The following VSIG1 variants were observed in gnomAD, a reference collection of about 807,000 sequenced individuals.
VSIG1 encodes the protein V-set and immunoglobulin domain containing 1.
VSIG1 carries 11 observed loss-of-function variants against 20.1 expected under a neutral mutation model. That is an observed-to-expected ratio of 0.55 (90% confidence interval 0.34 to 0.91). The LOEUF is 0.91. Among genes scored for constraint, VSIG1 ranks in the 40% least tolerant of loss-of-function variants. The probability of loss-of-function intolerance (pLI) is 0.02; values close to 1 mark genes in which losing one functional copy is unlikely to be tolerated. For missense variants in VSIG1, 283 were observed against 298.8 expected (o/e 0.95, Z 0.39); for synonymous variants, 126 against 116.7 (o/e 1.08, Z -0.52).
At chrX:108,031,293 G>A in the VSIG1 span, among the ~76,000 whole-genome samples, 1 of 112,185 alleles carries the variant, frequency 8.9e-6, no homozygotes, top group African/African-American at 3.2e-5. Context: ...AGGAGACAAT[G>A]GAATGAGTGT....
At chrX:108,047,959 C>T (rs865887573) in intron 1 of VSIG1, among the ~76,000 whole-genome samples, 384 of 14,765 alleles carry the variant, frequency 0.026, 38 homozygotes, top group Non-Finnish European at 0.034. Flanking sequence ...TATATACACA[C>T]ACATATATAT....
At chrX:108,067,562 A>T (rs1351918052) in intron 3 of VSIG1, among the ~76,000 whole-genome samples, 1 of 112,438 alleles carries the variant, frequency 8.9e-6, no homozygotes, top group East Asian at 2.8e-4. Context: ...CCATTAAATT[A>T]TTCTTTTAAA....
intron 1 of VSIG1, among the ~76,000 whole-genome samples, chrX:108,050,762 T>C (rs1236319867): frequency 9.0e-6 from 1 of 111,398 alleles, no homozygotes; most frequent in African/African-American, 3.3e-5. Flanking sequence ...CTGAGGGAGA[T>C]TTCTGGTCTG....
chrX:108,038,559 C>T, the VSIG1 span, among the ~76,000 whole-genome samples: 5 of 112,419 alleles, frequency 4.4e-5, no homozygotes, highest in Admixed American at 9.4e-5. Flanking sequence ...CACATGTACA[C>T]GTATGTTTAT....
the VSIG1 span, among the ~76,000 whole-genome samples, chrX:108,035,163 A>T: frequency 2.7e-5 from 3 of 111,492 alleles, no homozygotes; most frequent in African/African-American, 9.8e-5. Context: ...CAGTGGCATG[A>T]TCTTGGCTCA....
chrX:108,065,016 G>A (rs1206174934), intron 2 of VSIG1, among the ~76,000 whole-genome samples: 1 of 111,723 alleles, frequency 9.0e-6, no homozygotes, highest in Admixed American at 9.5e-5. Context: ...CAGTAGGTGT[G>A]AATGAATGAA....
chrX:108,048,450 C>T (rs1180511566), intron 1 of VSIG1, among the ~76,000 whole-genome samples: 1 of 112,557 alleles, frequency 8.9e-6, no homozygotes, highest in Non-Finnish European at 1.9e-5. Context: ...AAAGAGATTA[C>T]ACATATTTCA....
the VSIG1 span, among the ~76,000 whole-genome samples, chrX:108,030,953 A>G: frequency 0.033 from 3,715 of 112,206 alleles, 136 homozygotes; most frequent in African/African-American, 0.11. Context: ...AAGCAAGGAA[A>G]AACTGTAGTC....
chrX:108,042,121 A>T (rs902597900), upstream of VSIG1, among the ~76,000 whole-genome samples: 1 of 112,163 alleles, frequency 8.9e-6, no homozygotes, highest in South Asian at 3.7e-4. Flanking sequence ...ATAACATCAA[A>T]ATCCAGGTCC....
At chrX:108,040,372 G>T (rs1390486991), upstream of VSIG1, among the ~76,000 whole-genome samples, 1 of 111,893 alleles carries the variant, frequency 8.9e-6, no homozygotes, top group East Asian at 2.8e-4. Flanking sequence ...CACAGAGGAG[G>T]TTTACAGAGT....
In VSIG1 at chrX:108,057,985, T is replaced by G. The variant is rs1334867506; in HGVS notation, c.50-53T>G. 5 of 1,091,480 alleles carry G rather than the reference T, an allele frequency of 4.6e-6. No individual in the cohort carries two copies. In the East Asian group the frequency reaches 1.5e-4, roughly 34 times the overall value. The allele number at this position is 1,091,480 out of a possible 1,213,427, so 90.0% of individuals were successfully genotyped here. ...TTGTAAGTGTTCTGTGATGAAACAG[T>G]GTTATCAGAATTTGAGTATGTACTA... is the stretch of plus-strand genomic sequence containing the variant. On this transcript the variant is annotated intron_variant, in intron 1 of 6. Transcript: ENST00000217957.
the VSIG1 span, among the ~76,000 whole-genome samples, chrX:108,034,143 G>A: frequency 9.0e-6 from 1 of 110,662 alleles, no homozygotes; most frequent in Non-Finnish European, 1.9e-5. Context: ...TTGAGGCAGT[G>A]GAGGAGGTTT....
chrX:108,045,152 G>T lies in VSIG1; in HGVS notation c.22G>T (p.Val8Phe). The T allele has an allele frequency of 1.7e-6, 2 of 1,193,335 alleles. No homozygotes were observed. Among genetic ancestry groups the T allele is most frequent in the Non-Finnish European group, 1.1e-6 (1 of 885,077 alleles). ...CACAATGGTGTTCGCATTTTGGAAGGTCTTTCTGATCCTAAGCTGCCTTGC... is the reference window on the plus strand; with the variant it reads ...CACAATGGTGTTCGCATTTTGGAAGTTCTTTCTGATCCTAAGCTGCCTTGC... MVFAFWK[V>F]FLILSCLAGQ... The change falls in exon 1 of 7, where the codon GTC (valine) becomes TTC (phenylalanine). Residue 8 changes from valine (V) to phenylalanine (F), a missense_variant. By Grantham distance (50) the Val-to-Phe change is conservative (BLOSUM62 -1). Transcript: ENST00000217957.
chrX:108,019,845 C>T, the VSIG1 span, among the ~76,000 whole-genome samples: 1 of 111,404 alleles, frequency 9.0e-6, no homozygotes, highest in South Asian at 3.9e-4. Flanking sequence ...TGTTAGTCTT[C>T]GGCCAGCAAG....
At chrX:108,046,974 G>T (rs1001759655) in intron 1 of VSIG1, among the ~76,000 whole-genome samples, 10 of 110,653 alleles carry the variant, frequency 9.0e-5, no homozygotes, top group Admixed American at 4.8e-4. Context: ...ATTGTGGTAT[G>T]CTCTATTGTC....
chrX:108,031,956 C>T, the VSIG1 span, among the ~76,000 whole-genome samples: 2 of 112,152 alleles, frequency 1.8e-5, no homozygotes, highest in African/African-American at 6.5e-5. Flanking sequence ...TCTTTCCTTC[C>T]CTGCCATTCT....
chrX:108,053,042 A>G (rs1406404581), intron 1 of VSIG1, among the ~76,000 whole-genome samples: 1 of 112,110 alleles, frequency 8.9e-6, no homozygotes, highest in Non-Finnish European at 1.9e-5. Flanking sequence ...AATAGAATCC[A>G]TATCTGGTGA....
intron 1 of VSIG1, 78 bp downstream of exon 1, chrX:108,045,257 A>G: frequency 4.5e-6 from 4 of 888,068 alleles, no homozygotes; most frequent in Non-Finnish European, 6.2e-6. Flanking sequence ...ACATTTTTAC[A>G]TAGAATTTTC....
chrX:108,048,825 T>C (rs995912660), intron 1 of VSIG1, among the ~76,000 whole-genome samples: 1 of 112,531 alleles, frequency 8.9e-6, no homozygotes, highest in Non-Finnish European at 1.9e-5. Flanking sequence ...TAATTCTATT[T>C]GGGCTACTGA....
Sources: allele counts gnomAD v4.1 joint callset (sites outside exome capture counted in the v4.1 genomes callset), GRCh38; gene constraint gnomAD v4.1.1; transcripts MANE v1.5; gene names NCBI Gene and HGNC (gene_info 2026-07-23, HGNC 2026-07-21).